The following DLGAP2 variants were observed in gnomAD, a reference collection of about 807,000 sequenced individuals.
The protein encoded by DLGAP2 is DLG associated protein 2.
A neutral mutation model predicts 100.3 loss-of-function variants in DLGAP2; 26 were observed. The observed-to-expected ratio is 0.26, with a 90% confidence interval of 0.19 to 0.36. The LOEUF (loss-of-function observed/expected upper bound fraction) is 0.36. Among genes scored for constraint, DLGAP2 ranks in the 10% least tolerant of loss-of-function variants. The probability of loss-of-function intolerance (pLI) is 1.00; values close to 1 mark genes in which losing one functional copy is unlikely to be tolerated. For missense variants in DLGAP2, 1,858 were observed against 1,453.2 expected (o/e 1.28, Z -4.53); for synonymous variants, 886 against 630.1 (o/e 1.41, Z -6.08).
intron 6 of DLGAP2, chr8:1,621,527 G>A (rs1230943678): frequency 2.0e-5 from 3 of 152,360 alleles, no homozygotes; most frequent in Non-Finnish European, 4.4e-5. Context: ...CTCTCAGCTG[G>A]CCGTGGGTCA....
chr8:1,541,881 T>C (rs1242942009), intron 4 of DLGAP2, among the ~76,000 whole-genome samples: 6 of 152,360 alleles, frequency 3.9e-5, no homozygotes, highest in African/African-American at 1.4e-4. Context: ...TGATGGAATG[T>C]CTACTGACTC....
intron 4 of DLGAP2, among the ~76,000 whole-genome samples, chr8:1,527,182 C>A (rs543758007): frequency 6.6e-6 from 1 of 152,248 alleles, no homozygotes; most frequent in Non-Finnish European, 1.5e-5. Context: ...CCGTGACTGA[C>A]ATGGTGTGCA....
chr8:1,026,645 A>T (rs772079841), intron 2 of DLGAP2, among the ~76,000 whole-genome samples: 39 of 152,242 alleles, frequency 2.6e-4, no homozygotes, highest in Non-Finnish European at 3.4e-4. Context: ...ACAAGAAGTT[A>T]TATTACTCTG....
At chr8:799,333 A>T (rs1179927157) in intron 1 of DLGAP2, among the ~76,000 whole-genome samples, 1 of 152,068 alleles carries the variant, frequency 6.6e-6, no homozygotes, top group Non-Finnish European at 1.5e-5. Flanking sequence ...TCTCGTGGGC[A>T]GAGGAGGGAG....
At chr8:1,341,672 A>C (rs1801421517) in intron 3 of DLGAP2, among the ~76,000 whole-genome samples, 1 of 152,160 alleles carries the variant, frequency 6.6e-6, no homozygotes, top group Admixed American at 6.5e-5. Flanking sequence ...AGGGGCTCCT[A>C]GGGAAACAGA....
At chr8:1,523,132 G>A (rs966355469) in intron 4 of DLGAP2, among the ~76,000 whole-genome samples, 6 of 152,202 alleles carry the variant, frequency 3.9e-5, no homozygotes, top group Admixed American at 6.5e-5. Context: ...CACGCCACGC[G>A]TATGATAAGT....
At chr8:1,430,644 T>C (rs927006901) in intron 3 of DLGAP2, among the ~76,000 whole-genome samples, 4 of 152,194 alleles carry the variant, frequency 2.6e-5, no homozygotes, top group East Asian at 3.8e-4. Context: ...TTCTATGAGA[T>C]TGAGAGGAGT....
chr8:1,514,449 T>A (rs1185908787), intron 4 of DLGAP2, among the ~76,000 whole-genome samples: 1 of 152,258 alleles, frequency 6.6e-6, no homozygotes, highest in African/African-American at 2.4e-5. Flanking sequence ...AAAATTCAGC[T>A]ACTGTATCAA....
At chr8:1,597,603 C>G (rs1306635869) in intron 6 of DLGAP2, among the ~76,000 whole-genome samples, 1 of 152,066 alleles carries the variant, frequency 6.6e-6, no homozygotes, top group Non-Finnish European at 1.5e-5. Context: ...AAGTTGGATT[C>G]CTAGGTATTT....
chr8:1,222,649 G>A (rs999814310), intron 2 of DLGAP2, among the ~76,000 whole-genome samples: 2 of 152,046 alleles, frequency 1.3e-5, no homozygotes, highest in African/African-American at 4.8e-5. Flanking sequence ...GGTGGGGGGA[G>A]GCTGCTGGTG....
chr8:1,507,622 G>A (rs1324304325), intron 4 of DLGAP2, among the ~76,000 whole-genome samples: 3 of 152,188 alleles, frequency 2.0e-5, no homozygotes, highest in Non-Finnish European at 4.4e-5. Flanking sequence ...AGGCGGAGGA[G>A]GCGCCGGGAG....
chr8:1,195,233 C>T (rs1344879621), intron 2 of DLGAP2, among the ~76,000 whole-genome samples: 1 of 152,190 alleles, frequency 6.6e-6, no homozygotes, highest in Non-Finnish European at 1.5e-5. Context: ...TGCTGGTGTC[C>T]AGGACAGGCC....
intron 2 of DLGAP2, among the ~76,000 whole-genome samples, chr8:967,822 A>T (rs1175708511): frequency 0.038 from 47 of 1,252 alleles, 2 homozygotes; most frequent in Admixed American, 0.067. Context: ...ACCACTATAT[A>T]TATATATATA....
intron 2 of DLGAP2, among the ~76,000 whole-genome samples, chr8:1,184,008 A>G (rs1045159925): frequency 1.7e-4 from 26 of 152,234 alleles, no homozygotes; most frequent in African/African-American, 6.0e-4. Context: ...GCTTTTCACC[A>G]TGATCACTGT....
intron 10 of DLGAP2, among the ~76,000 whole-genome samples, chr8:1,670,015 G>C (rs1798650848): frequency 6.6e-6 from 1 of 152,050 alleles, no homozygotes; most frequent in Non-Finnish European, 1.5e-5. Flanking sequence ...AAGCAGGAAA[G>C]CTAGGGTGCC....
chr8:1,587,714 T>C (rs1426779465), intron 6 of DLGAP2, among the ~76,000 whole-genome samples: 1 of 152,220 alleles, frequency 6.6e-6, no homozygotes, highest in Non-Finnish European at 1.5e-5. Flanking sequence ...TATTTTTCTT[T>C]CTTTAAATTA....
intron 2 of DLGAP2, chr8:927,237 G>C (rs1341229389): frequency 1.0e-6 from 1 of 985,148 alleles, no homozygotes; most frequent in Admixed American, 6.1e-5. Context: ...CCATTATGGG[G>C]GATTCATGTT....
chr8:1,359,140 C>T (rs996039025), intron 3 of DLGAP2, among the ~76,000 whole-genome samples: 4 of 152,296 alleles, frequency 2.6e-5, no homozygotes, highest in African/African-American at 7.2e-5. Context: ...AGAACCACCC[C>T]TCTAGGCCAC....
chr8:1,196,397 G>T (rs1797750238), intron 2 of DLGAP2, among the ~76,000 whole-genome samples: 2 of 152,196 alleles, frequency 1.3e-5, no homozygotes, highest in Admixed American at 6.5e-5. Flanking sequence ...TAACACAGGG[G>T]AGAAGCCAGA....
Sources: gnomAD v4.1 joint callset for allele counts (sites outside exome capture counted in the v4.1 genomes callset) on GRCh38, gnomAD v4.1.1 for gene constraint, MANE v1.5 for transcripts, NCBI Gene and HGNC (gene_info 2026-07-23, HGNC 2026-07-21) for gene names.